CWH43: variants seen among roughly 807,000 people sequenced by gnomAD.
CWH43 encodes PGAP2-interacting protein.
In CWH43, 91 loss-of-function variants were observed where a neutral mutation model predicts 85.7. The observed-to-expected ratio is 1.06, with a 90% CI of 0.90 to 1.26. CWH43 has a LOEUF of 1.26. Ranked by LOEUF, CWH43 falls within the 50% of genes most tolerant of loss-of-function variation. The pLI is 0.00. For missense variants in CWH43, 869 were observed against 839.2 expected (o/e 1.04, Z -0.44); for synonymous variants, 323 against 293.6 (o/e 1.10, Z -1.02).
At chr4:49,044,425 A>G (rs917515608) in intron 13 of CWH43, among the ~76,000 whole-genome samples, 4 of 152,192 alleles carry the variant, frequency 2.6e-5, no homozygotes, top group Non-Finnish European at 4.4e-5. Context: ...GTGTGTGTAA[A>G]GTACTGTACA....
intron 15 of CWH43, among the ~76,000 whole-genome samples, chr4:49,056,555 C>A (rs1054235530): frequency 1.3e-5 from 2 of 151,956 alleles, no homozygotes; most frequent in African/African-American, 4.8e-5. Context: ...TTGATTTTCT[C>A]TTTTTTTCTT....
intron 13 of CWH43, among the ~76,000 whole-genome samples, chr4:49,039,368 TGTATATATATACTG>T (rs1784379660): frequency 1.2e-5 from 1 of 85,126 alleles, no homozygotes; most frequent in Non-Finnish European, 2.8e-5. Context: ...TATATACTGA[TGTATATATATACTG>T]ATATATATAT....
chr4:49,034,334 A>G (rs940286544), intron 12 of CWH43, among the ~76,000 whole-genome samples: 1 of 152,204 alleles, frequency 6.6e-6, no homozygotes, highest in African/African-American at 2.4e-5. Flanking sequence ...TCTCAACCTA[A>G]GAAACAGTTT....
At chr4:49,061,347 C>G (rs1222984021) in intron 15 of CWH43, among the ~76,000 whole-genome samples, 1 of 152,090 alleles carries the variant, frequency 6.6e-6, no homozygotes, top group Non-Finnish European at 1.5e-5. Context: ...AGCTTTCTTC[C>G]TAGTGTCTTT....
intron 4 of CWH43, among the ~76,000 whole-genome samples, chr4:48,994,315 C>G (rs746152374): frequency 6.6e-6 from 1 of 152,220 alleles, no homozygotes; most frequent in African/African-American, 2.4e-5. Flanking sequence ...CAAACACAAA[C>G]ACTTTTTCTG....
At chr4:49,036,171 A>ATGT (rs1784256477) in intron 12 of CWH43, among the ~76,000 whole-genome samples, 1 of 152,164 alleles carries the variant, frequency 6.6e-6, no homozygotes, top group African/African-American at 2.4e-5. Context: ...GAATCCCTGA[A>ATGT]TGTTGCTCTT....
chr4:49,050,715 C>A lies in CWH43; in HGVS notation c.1887C>A (p.Ser629=). 2 of 1,611,766 alleles carry A rather than the reference C, an allele frequency of 1.2e-6. No homozygotes were observed. Among genetic ancestry groups the A allele is most frequent in the Non-Finnish European group, 1.7e-6 (2 of 1,178,852 alleles). ...GLIRLGYARI[S]HAELSDSEIQ... ...ACAGGTTGGGTTATGCAAGAATCTC[C>A]CATGCTGAACTGAGTGATTCAGAAA... Residue 629 remains serine (S), a synonymous_variant, in exon 15 of 16, where the codon TCC becomes TCA. Transcript: ENST00000226432.
chr4:49,035,917 G>A (rs1784248844), intron 12 of CWH43, among the ~76,000 whole-genome samples: 1 of 152,152 alleles, frequency 6.6e-6, no homozygotes, highest in Non-Finnish European at 1.5e-5. Flanking sequence ...GTAGGTATCA[G>A]AAGGAATAGA....
intron 9 of CWH43, among the ~76,000 whole-genome samples, chr4:49,027,954 T>G (rs1783969374): frequency 6.6e-6 from 1 of 152,136 alleles, no homozygotes; most frequent in African/African-American, 2.4e-5. Flanking sequence ...GGCCTTGACC[T>G]TTCCAGTACA....
At chr4:49,023,643 C>G (rs1281897897) in intron 9 of CWH43, among the ~76,000 whole-genome samples, 1 of 152,196 alleles carries the variant, frequency 6.6e-6, no homozygotes, top group East Asian at 1.9e-4. Context: ...TCCAAAAATG[C>G]TGGGATTACA....
At chr4:48,998,599 T>C (rs747648125) in intron 6 of CWH43, 51 bp downstream of exon 6, 4 of 1,367,802 alleles carry the variant, frequency 2.9e-6, no homozygotes, top group Non-Finnish European at 4.2e-6. Context: ...GGTTATCCAG[T>C]TTGTTTGCAA....
intron 8 of CWH43, among the ~76,000 whole-genome samples, chr4:49,013,991 G>C (rs976990418): frequency 6.6e-6 from 1 of 152,134 alleles, no homozygotes; most frequent in Non-Finnish European, 1.5e-5. Context: ...GTGAATAATG[G>C]TCTCCACCTT....
chr4:49,037,631 G>A (rs1457151992), intron 12 of CWH43, among the ~76,000 whole-genome samples: 3 of 151,622 alleles, frequency 2.0e-5, no homozygotes, highest in Non-Finnish European at 4.4e-5. Context: ...TGGGCTCTGT[G>A]AATGTCAGGA....
intron 15 of CWH43, among the ~76,000 whole-genome samples, chr4:49,057,505 C>T (rs1345449106): frequency 1.3e-5 from 2 of 152,182 alleles, no homozygotes; most frequent in Non-Finnish European, 2.9e-5. Context: ...CGGTTCCCAG[C>T]TTGACTTTTC....
rs758153072 is a variant in CWH43, at chr4:48,992,484, G to T, written c.511+394G>T. 6.6e-6 allele frequency among the ~76,000 whole-genome samples: 1 copy of T among 152,176 alleles called. No homozygotes were observed. The highest frequency in any genetic ancestry group is 2.4e-5 in the African/African-American group (1 of 41,428). On this transcript the variant is annotated intron_variant, in intron 4 of 15. Coordinates refer to ENST00000226432, the MANE Select transcript of CWH43 (RefSeq NM_025087.3). The surrounding 1 kb of genome is among the most constrained non-coding windows in gnomAD (Gnocchi z 4.3). The stretch of plus-strand genomic sequence containing the variant: ...CAGTACATCTGTAACACTAAGGAAA[G>T]TTTCTGTCACGTATGGCTGTCACTG...
chr4:49,058,027 C>T (rs530545129), intron 15 of CWH43, among the ~76,000 whole-genome samples: 5 of 152,136 alleles, frequency 3.3e-5, no homozygotes, highest in African/African-American at 1.2e-4. Flanking sequence ...TTATAGGCAG[C>T]AATTTCTTAT....
intron 14 of CWH43, among the ~76,000 whole-genome samples, chr4:49,050,440 A>T (rs1261449391): frequency 6.6e-6 from 1 of 152,232 alleles, no homozygotes; most frequent in East Asian, 1.9e-4. Context: ...ATTCATTAGT[A>T]TAAAAAAAGT....
At chr4:49,010,364 C>T (rs1397982624) in intron 8 of CWH43, among the ~76,000 whole-genome samples, 1 of 152,098 alleles carries the variant, frequency 6.6e-6, no homozygotes, top group African/African-American at 2.4e-5. Flanking sequence ...ATTCTTCTCT[C>T]TTTTCTTCTT....
chr4:49,024,681 A>G (rs1295031867), intron 9 of CWH43, among the ~76,000 whole-genome samples: 1 of 152,164 alleles, frequency 6.6e-6, no homozygotes, highest in Non-Finnish European at 1.5e-5. Context: ...ATAGGACCCT[A>G]ATCTATTCTA....
Sources: allele counts gnomAD v4.1 joint callset (sites outside exome capture counted in the v4.1 genomes callset), GRCh38; gene constraint gnomAD v4.1.1; non-coding constraint Gnocchi (gnomAD v3.1); transcripts MANE v1.5; gene names NCBI Gene and HGNC (gene_info 2026-07-23, HGNC 2026-07-21).